CENPQ: variants seen among roughly 807,000 people sequenced by gnomAD.
The protein encoded by CENPQ is chromosome 6 open reading frame 139.
A neutral mutation model predicts 36.6 loss-of-function variants in CENPQ; 27 were observed. The observed-to-expected ratio is 0.74, with a 90% CI of 0.54 to 1.02. The LOEUF is 1.02. CENPQ is among the 50% of genes least tolerant of loss of function. The probability of loss-of-function intolerance (pLI) is 0.00; values close to 1 mark genes in which losing one functional copy is unlikely to be tolerated. For missense variants in CENPQ, 306 were observed against 301.8 expected, an observed-to-expected ratio of 1.01 and a Z score of -0.10; for synonymous variants, 101 against 101.7, an observed-to-expected ratio of 0.99 and a Z score of 0.04.
intron 5 of CENPQ, among the ~76,000 whole-genome samples, chr6:49,473,355 GC>G: frequency 6.6e-6 from 1 of 152,218 alleles, no homozygotes; most frequent in East Asian, 1.9e-4. Flanking sequence ...GCACACCACT[GC>G]CTGTGATTTT....
chr6:49,482,998 A>G (rs951483069), intron 6 of CENPQ, among the ~76,000 whole-genome samples: 1 of 152,118 alleles, frequency 6.6e-6, no homozygotes, highest in African/African-American at 2.4e-5. Context: ...CATAGTGTGG[A>G]AGGGGACCCA....
At chr6:49,478,416 A>C (rs1320218494) in intron 5 of CENPQ, among the ~76,000 whole-genome samples, 1 of 152,042 alleles carries the variant, frequency 6.6e-6, no homozygotes, top group East Asian at 1.9e-4. Flanking sequence ...ATTTTCTTTA[A>C]CCTAGCATCT....
At chr6:49,488,304 A>G (rs2127428187) in intron 6 of CENPQ, 48 bp from the exon 7 acceptor site, 1 of 1,404,300 alleles carries the variant, frequency 7.1e-7, no homozygotes. Flanking sequence ...AGGATTTAAT[A>G]TAATAATGTG....
chr6:49,477,020 C>T (rs1437433780), intron 5 of CENPQ, among the ~76,000 whole-genome samples: 1 of 152,146 alleles, frequency 6.6e-6, no homozygotes, highest in Non-Finnish European at 1.5e-5. Flanking sequence ...GGCGATTCCT[C>T]AAGGATCTAG....
chr6:49,481,043 G>C lies in CENPQ; in HGVS notation c.440G>C (p.Arg147Pro). The C allele has an allele frequency of 6.2e-7, 1 of 1,609,596 alleles. No homozygotes were observed. The highest frequency in any genetic ancestry group is 8.5e-7 in the Non-Finnish European group (1 of 1,178,582). ...VSSLLNMERA[R>P]DKANEEGLAL... ...AGTCTACTGAATATGGAAAGGGCAC[G>C]AGACAAAGCTAATGAAGAAGGTCTG... The change falls in exon 6 of 9, where the codon CGA becomes CCA. Residue 147 changes from arginine (R) to proline (P), a missense_variant. Physicochemically the swap from Arg to Pro is moderately radical, Grantham distance 103. Coordinates refer to ENST00000335783, the MANE Select transcript of CENPQ (RefSeq NM_018132.4).
chr6:49,483,448 G>C (rs1768497869), intron 6 of CENPQ, among the ~76,000 whole-genome samples: 1 of 152,136 alleles, frequency 6.6e-6, no homozygotes, highest in African/African-American at 2.4e-5. Flanking sequence ...GTGGTCGATG[G>C]GACTGGGCAC....
At chr6:49,491,699 T>C (rs940835470) in intron 8 of CENPQ, among the ~76,000 whole-genome samples, 2 of 152,210 alleles carry the variant, frequency 1.3e-5, no homozygotes, top group Middle Eastern at 3.2e-3. Context: ...GCGGATTGCC[T>C]GAGGTCAGGA....
intron 6 of CENPQ, among the ~76,000 whole-genome samples, chr6:49,482,944 A>G (rs1242843232): frequency 6.6e-6 from 1 of 152,084 alleles, no homozygotes; most frequent in East Asian, 1.9e-4. Context: ...CCAAAGAGTG[A>G]GCAGTAGCAA....
At position 49,481,043 on chromosome 6, in the gene CENPQ, G is replaced by A. The variant is rs367615344; in HGVS notation, c.440G>A (p.Arg147Gln). ...VSSLLNMERA[R>Q]DKANEEGLAL... Reference sequence around the variant, plus strand: ...AGTCTACTGAATATGGAAAGGGCACGAGACAAAGCTAATGAAGAAGGTCTG... The same window carrying A: ...AGTCTACTGAATATGGAAAGGGCACAAGACAAAGCTAATGAAGAAGGTCTG... Residue 147 changes from arginine to glutamine, a missense_variant, in exon 6 of 9, where the codon CGA becomes CAA. By Grantham distance (43) the Arg-to-Gln change is conservative. Transcript: ENST00000335783. 4.5e-5 allele frequency: 72 copies of A among 1,609,478 alleles called. No individual in the cohort carries two copies. Among genetic ancestry groups the A allele is most frequent in the East Asian group, 3.1e-4 (14 of 44,762 alleles).
At chr6:49,471,311 A>G (rs1006993897) in intron 3 of CENPQ, among the ~76,000 whole-genome samples, 2 of 152,212 alleles carry the variant, frequency 1.3e-5, no homozygotes, top group African/African-American at 4.8e-5. Flanking sequence ...GTGATCTGTG[A>G]TATAAATACA....
chr6:49,491,129 G>A (rs1312990974), intron 8 of CENPQ, among the ~76,000 whole-genome samples: 1 of 152,070 alleles, frequency 6.6e-6, no homozygotes, highest in Admixed American at 6.6e-5. Context: ...GAGGCATCCT[G>A]GTATATCATA....
chr6:49,473,904 G>T (rs935012710), intron 5 of CENPQ, among the ~76,000 whole-genome samples: 4 of 152,082 alleles, frequency 2.6e-5, no homozygotes, highest in African/African-American at 9.7e-5. Flanking sequence ...AACCAACAAA[G>T]ATCAAAAGAG....
chr6:49,487,011 G>A (rs998087684), intron 6 of CENPQ, among the ~76,000 whole-genome samples: 1 of 150,954 alleles, frequency 6.6e-6, no homozygotes, highest in African/African-American at 2.4e-5. Context: ...AAATTATCTG[G>A]GCATAGTGGC....
intron 1 of CENPQ, among the ~76,000 whole-genome samples, chr6:49,467,238 C>T (rs976931705): frequency 1.3e-5 from 2 of 152,196 alleles, no homozygotes; most frequent in Non-Finnish European, 2.9e-5. Flanking sequence ...TCTAATCAGT[C>T]ATAACTGATA....
intron 8 of CENPQ, among the ~76,000 whole-genome samples, chr6:49,491,770 C>A (rs1396345394): frequency 1.3e-5 from 2 of 152,026 alleles, no homozygotes; most frequent in Non-Finnish European, 2.9e-5. Context: ...ACAAAATTAG[C>A]CAGGTGTGGT....
At chr6:49,492,031 T>C in intron 8 of CENPQ, 113 bp from the exon 9 acceptor site, 1 of 769,350 alleles carries the variant, frequency 1.3e-6, no homozygotes, top group South Asian at 1.8e-5. Flanking sequence ...TTGACAATTA[T>C]TGAAGTTGGA....
chr6:49,478,775 G>C (rs191881695), intron 5 of CENPQ, among the ~76,000 whole-genome samples: 2 of 152,112 alleles, frequency 1.3e-5, no homozygotes, highest in Non-Finnish European at 2.9e-5. Context: ...AGACAAGTTT[G>C]CTAGGCAAAC....
In CENPQ at chr6:49,483,824, G is replaced by A. The variant is rs1436710204; in HGVS notation, c.477+2744G>A. Among the ~76,000 whole-genome samples, 3 of 152,230 alleles carry A rather than the reference G, an allele frequency of 2.0e-5. No individual in the cohort carries two copies. The East Asian group carries it at 5.8e-4, about 29-fold the overall frequency. The stretch of plus-strand genomic sequence containing the variant: ...CTCCACACCTCCCTGCAAGCTGAGG[G>A]AGCCAGCTCCAGCCTTGGCCAGCCC... On this transcript the variant is annotated intron_variant, in intron 6 of 8. Transcript: ENST00000335783.
intron 2 of CENPQ, 26 bp from the exon 3 acceptor site, chr6:49,470,948 G>T: frequency 7.3e-7 from 1 of 1,361,280 alleles, no homozygotes; most frequent in Non-Finnish European, 9.9e-7. Context: ...TTCTGTTTAT[G>T]TTTATGCATG....
Sources: gnomAD v4.1 joint callset for allele counts (sites outside exome capture counted in the v4.1 genomes callset) on GRCh38, gnomAD v4.1.1 for gene constraint, MANE v1.5 for transcripts, NCBI Gene and HGNC (gene_info 2026-07-23, HGNC 2026-07-21) for gene names.